Variants in GPC3 observed in about 807,000 individuals in gnomAD.
GPC3 encodes the protein glypican 3.
GPC3 carries 3 observed loss-of-function variants against 34.4 expected under a neutral mutation model. The ratio of observed to expected loss-of-function variants is 0.09; its 90% CI spans 0.04 to 0.23. The LOEUF is 0.23. GPC3 is among the 10% of genes least tolerant of loss of function. The pLI is 1.00. For synonymous variants in GPC3, 177 were observed against 174.0 expected, an observed-to-expected ratio of 1.02 and a Z score of -0.13; for missense variants, 351 against 445.6, an observed-to-expected ratio of 0.79 and a Z score of 1.91.
intron 6 of GPC3, among the ~76,000 whole-genome samples, chrX:133,637,709 C>A (rs2070443164): frequency 9.0e-6 from 1 of 111,206 alleles, no homozygotes; most frequent in Non-Finnish European, 1.9e-5. Flanking sequence ...GTGGCTTGAT[C>A]ACGGCTCACT....
intron 6 of GPC3, among the ~76,000 whole-genome samples, chrX:133,603,120 C>T (rs1187119643): frequency 2.0e-5 from 2 of 100,671 alleles, no homozygotes; most frequent in Non-Finnish European, 2.0e-5. Flanking sequence ...ATTGTGATTT[C>T]GAAAAAAATA....
At chrX:133,690,373 C>A (rs1341953587) in intron 5 of GPC3, among the ~76,000 whole-genome samples, 1 of 111,664 alleles carries the variant, frequency 9.0e-6, no homozygotes, top group Non-Finnish European at 1.9e-5. Flanking sequence ...CTAACAGTTA[C>A]AACAATCCTG....
intron 2 of GPC3, among the ~76,000 whole-genome samples, chrX:133,898,403 T>C (rs2076128803): frequency 8.9e-6 from 1 of 112,393 alleles, no homozygotes; most frequent in Admixed American, 9.5e-5. Context: ...TCCCTCTGTC[T>C]TCCTTCAGAT....
chrX:133,755,294 G>A (rs2071716689), intron 2 of GPC3, among the ~76,000 whole-genome samples: 1 of 111,481 alleles, frequency 9.0e-6, no homozygotes, highest in South Asian at 3.8e-4. Flanking sequence ...TTGAAAAATC[G>A]AATTATTACC....
At chrX:133,737,282 C>T (rs1408464446) in intron 3 of GPC3, among the ~76,000 whole-genome samples, 1 of 111,980 alleles carries the variant, frequency 8.9e-6, no homozygotes, top group Non-Finnish European at 1.9e-5. Flanking sequence ...ATGGTGGATA[C>T]ATGCCATTAT....
chrX:133,792,717 G>A (rs1363954086), intron 2 of GPC3, among the ~76,000 whole-genome samples: 1 of 111,816 alleles, frequency 8.9e-6, no homozygotes, highest in Non-Finnish European at 1.9e-5. Context: ...TGGCATGTCA[G>A]GACCGGCGCC....
At chrX:133,677,017 T>C (rs753862025) in intron 5 of GPC3, among the ~76,000 whole-genome samples, 164 of 111,907 alleles carry the variant, frequency 1.5e-3, no homozygotes, top group African/African-American at 5.3e-3. Context: ...GACAGTTGTG[T>C]CAAATATTAT....
At chrX:133,569,101 G>A (rs1245095138) in intron 7 of GPC3, among the ~76,000 whole-genome samples, 1 of 111,690 alleles carries the variant, frequency 9.0e-6, no homozygotes, top group Non-Finnish European at 1.9e-5. Context: ...CCAGGAGGTT[G>A]AGGCTGCAGC....
chrX:133,632,800 T>C (rs1424360803), intron 6 of GPC3, among the ~76,000 whole-genome samples: 1 of 111,784 alleles, frequency 8.9e-6, no homozygotes, highest in Non-Finnish European at 1.9e-5. Context: ...TTCTCTTATA[T>C]GCCCCAGTAA....
chrX:133,594,674 A>C (rs1035704815), intron 7 of GPC3, among the ~76,000 whole-genome samples: 6 of 111,385 alleles, frequency 5.4e-5, no homozygotes, highest in Non-Finnish European at 1.1e-4. Flanking sequence ...TAGTCACAGA[A>C]GCAGAAAGTA....
Position 133,897,205 on chromosome X carries a change from C to CT in GPC3, c.337+55844dup, listed in dbSNP as rs760491025. On this transcript the variant is annotated intron_variant, in intron 2 of 7. Transcript: ENST00000370818. The stretch of plus-strand genomic sequence containing the variant: ...ACAGGCGTGAGCTACCGTGCCCGGC[C>CT]TTTTTTTTTTTTTTTTTTTTTTTAA... Among the ~76,000 whole-genome samples, 546 of 82,628 alleles carry CT rather than the reference C, an allele frequency of 6.6e-3. 7 individuals are homozygous for CT. Among genetic ancestry groups the CT allele is most frequent in the Middle Eastern group, 0.02 (3 of 150 alleles). 71.8% of individuals were successfully genotyped at this position (82,628 alleles called of 115,157 possible).
intron 5 of GPC3, among the ~76,000 whole-genome samples, chrX:133,680,440 A>C (rs770164168): frequency 1.8e-4 from 20 of 112,062 alleles, no homozygotes; most frequent in African/African-American, 6.2e-4. Context: ...GGTAGTTTTT[A>C]AGATCCATCT....
chrX:133,647,229 T>C (rs1181247472), intron 6 of GPC3, among the ~76,000 whole-genome samples: 2 of 112,689 alleles, frequency 1.8e-5, no homozygotes, highest in African/African-American at 6.5e-5. Flanking sequence ...TTTTTACTTA[T>C]TTATGCAATA....
At chrX:133,924,808 G>T (rs2076268293) in intron 2 of GPC3, among the ~76,000 whole-genome samples, 2 of 111,504 alleles carry the variant, frequency 1.8e-5, no homozygotes, top group African/African-American at 6.5e-5. Context: ...AAAACTGAGG[G>T]CAGTGTTCTG....
At chrX:133,574,032 T>C (rs1421965377) in intron 7 of GPC3, among the ~76,000 whole-genome samples, 2 of 112,509 alleles carry the variant, frequency 1.8e-5, no homozygotes, top group Non-Finnish European at 3.8e-5. Flanking sequence ...TGGGTCCATC[T>C]TGAAAATGTT....
At chrX:133,704,425 T>G (rs1426309473) in intron 3 of GPC3, among the ~76,000 whole-genome samples, 1 of 106,135 alleles carries the variant, frequency 9.4e-6, no homozygotes, top group Non-Finnish European at 2.0e-5. Context: ...TTAATATAAG[T>G]TTTACGTCAC....
chrX:133,606,595 A>C (rs1043109938), intron 6 of GPC3, among the ~76,000 whole-genome samples: 1 of 109,166 alleles, frequency 9.2e-6, no homozygotes, highest in African/African-American at 3.3e-5. Context: ...ATACTTTTGA[A>C]TTTTTTTTTG....
chrX:133,695,604 T>A (rs764693171), intron 4 of GPC3, among the ~76,000 whole-genome samples: 1 of 111,268 alleles, frequency 9.0e-6, no homozygotes, highest in South Asian at 3.8e-4. Flanking sequence ...AACACATAGG[T>A]GGTGAGGGAA....
chrX:133,625,767 C>T (rs1474005366), intron 6 of GPC3, among the ~76,000 whole-genome samples: 1 of 111,877 alleles, frequency 8.9e-6, no homozygotes, highest in Non-Finnish European at 1.9e-5. Context: ...TCAATGCCAT[C>T]CCCATCAAGC....
Sources: allele counts gnomAD v4.1 joint callset (sites outside exome capture counted in the v4.1 genomes callset), GRCh38; gene constraint gnomAD v4.1.1; transcripts MANE v1.5; gene names NCBI Gene and HGNC (gene_info 2026-07-23, HGNC 2026-07-21).